Variants in TOR2A observed in about 807,000 individuals in gnomAD.
TOR2A encodes prosalusin.
Under a neutral mutation model 28.6 loss-of-function variants are expected in TOR2A, and 24 were observed. The observed-to-expected ratio is 0.84, with a 90% CI of 0.61 to 1.18. The LOEUF is 1.18. TOR2A is among the 50% of genes most tolerant of loss of function. The probability of loss-of-function intolerance (pLI) is 0.00; values close to 1 mark genes in which losing one functional copy is unlikely to be tolerated. For synonymous variants in TOR2A, 203 were observed against 203.1 expected (o/e 1.00, Z 0.00); for missense variants, 426 against 448.1 (o/e 0.95, Z 0.45).
chr9:127,735,224 C>T lies in TOR2A; in HGVS notation c.47G>A (p.Gly16Glu). The change falls in exon 1 of 5, where the codon GGG (glycine) becomes GAG (glutamate). Residue 16 changes from glycine (G) to glutamate (E), a missense_variant. Transcript: ENST00000373284. Reference protein sequence around the residue: ...RGCRPWGSLLGLLGLVSAAAA... With the variant: ...RGCRPWGSLLELLGLVSAAAA... ...CGCGGCCGAGACCAGCCCGAGCAGC[C>T]CGAGGAGCGAGCCCCAGGGCCGGCA... The T allele has an allele frequency of 6.8e-7, 1 of 1,463,886 alleles. No individual in the cohort carries two copies. Among genetic ancestry groups the T allele is most frequent in the Non-Finnish European group, 9.0e-7 (1 of 1,115,750 alleles). 90.7% of individuals were successfully genotyped at this position (1,463,886 alleles called of 1,614,324 possible). A position where few individuals can be genotyped will look rare whatever the true frequency, so the allele number is the denominator to read the frequency against.
In TOR2A at chr9:127,735,256, C is replaced by G; in HGVS notation, c.15G>C (p.Thr5=). The change falls in exon 1 of 5, where the codon ACG becomes ACC. Residue 5 remains threonine, a synonymous_variant. Coordinates refer to ENST00000373284, the MANE Select transcript of TOR2A (RefSeq NM_001085347.3). ...GCGAGCCCCAGGGCCGGCAGCCGCG[C>G]GTCGCAGCCGCCATCCGGGTGAGGC... MAAA[T]RGCRPWGSLL... is the part of the protein sequence containing the mutation. The G allele has an allele frequency of 7.1e-7, 1 of 1,406,376 alleles. No individual in the cohort carries two copies. Among genetic ancestry groups the G allele is most frequent in the South Asian group, 1.5e-5 (1 of 65,358 alleles). The allele number at this position is 1,406,376 out of a possible 1,614,324, so 87.1% of individuals were successfully genotyped here.
At chr9:127,732,326 G>T in intron 4 of TOR2A, 48 bp from the exon 5 acceptor site, 1 of 1,524,112 alleles carries the variant, frequency 6.6e-7, no homozygotes, top group Non-Finnish European at 8.8e-7. Context: ...CACAAGAGGG[G>T]AGAAGCCGGC....
chr9:127,733,324 G>A (rs756337474), intron 3 of TOR2A, 61 bp downstream of exon 3: 1 of 1,613,470 alleles, frequency 6.2e-7, no homozygotes, highest in South Asian at 1.1e-5. Context: ...GGCTAAGGCT[G>A]TAGAGCTGAA....
chr9:127,733,356 A>T (rs745514694), intron 3 of TOR2A, 29 bp downstream of exon 3: 1 of 1,613,618 alleles, frequency 6.2e-7, no homozygotes, highest in Non-Finnish European at 8.5e-7. Flanking sequence ...TGGCCCCCCC[A>T]CTGTGCCCAC....
intron 4 of TOR2A, 98 bp from the exon 5 acceptor site, chr9:127,732,376 G>C: frequency 1.3e-6 from 2 of 1,482,122 alleles, no homozygotes; most frequent in South Asian, 2.8e-5. Flanking sequence ...GCTGGCCTCA[G>C]TTCCCTCAGC....
chr9:127,734,111 A>C, intron 2 of TOR2A, 188 bp downstream of exon 2: 1 of 689,414 alleles, frequency 1.5e-6, no homozygotes, highest in South Asian at 2.8e-5. Flanking sequence ...TTACTGCCCC[A>C]AGGAATCAAA....
intron 2 of TOR2A, chr9:127,733,938 A>G (rs921906285): frequency 1.5e-5 from 6 of 396,968 alleles, no homozygotes; most frequent in South Asian, 1.1e-4. Flanking sequence ...GTAAGAGCCA[A>G]TATTTCCTGA....
chr9:127,734,978 A>T (rs1159494270), intron 1 of TOR2A, 142 bp downstream of exon 1: 34 of 1,240,910 alleles, frequency 2.7e-5, no homozygotes, highest in Admixed American at 4.2e-5. Flanking sequence ...CACCCTCCCA[A>T]GTCTGCGGGC....
chr9:127,735,120 C>G lies in TOR2A; in HGVS notation c.151G>C (p.Gly51Arg). ...CECDFRPDLPGLECDLAQHLA... is the reference protein window; with the variant it reads ...CECDFRPDLPRLECDLAQHLA... Reference sequence around the variant, plus strand: ...CGCTCCGGGCTCCCTGGCGCCTCACCCGGCAAGTCGGGCCGGAAGTCGCAT... The same window carrying G: ...CGCTCCGGGCTCCCTGGCGCCTCACGCGGCAAGTCGGGCCGGAAGTCGCAT... Residue 51 changes from glycine to arginine, a missense_variant and splice_region_variant, in exon 1 of 5, where the codon GGT becomes CGT. Transcript: ENST00000373284. The G allele has an allele frequency of 1.4e-6, 2 of 1,473,676 alleles. No homozygotes were observed. Among genetic ancestry groups the G allele is most frequent in the Non-Finnish European group, 1.8e-6 (2 of 1,118,528 alleles). The allele number at this position is 1,473,676 out of a possible 1,614,324, so 91.3% of individuals were successfully genotyped here.
chr9:127,732,849 C>T, intron 3 of TOR2A, 158 bp from the exon 4 acceptor site: 1 of 1,436,146 alleles, frequency 7.0e-7, no homozygotes, highest in Non-Finnish European at 9.1e-7. Flanking sequence ...TCCATGGTGT[C>T]CACATCCATG....
In TOR2A at chr9:127,734,287, C is replaced by T. The variant is rs371993319; in HGVS notation, c.417+12G>A. On this transcript the variant is annotated intron_variant, in intron 2 of 4. Transcript: ENST00000373284. ...ATGGTGAGAACAGTGGTCAAGGACGCATCCAGCCTACCTTGTAGCGCTCGA... is the reference window on the plus strand; with the variant it reads ...ATGGTGAGAACAGTGGTCAAGGACGTATCCAGCCTACCTTGTAGCGCTCGA... 6.4e-7 allele frequency: 1 copy of T among 1,566,536 alleles called. No individual in the cohort carries two copies. The highest frequency in any genetic ancestry group is 8.7e-7 in the Non-Finnish European group (1 of 1,153,762).
chr9:127,732,008 G>C lies in TOR2A; in HGVS notation c.*26C>G, dbSNP rs779223274. On this transcript the variant is annotated 3_prime_UTR_variant, in exon 5 of 5. Coordinates refer to ENST00000373284, the MANE Select transcript of TOR2A (RefSeq NM_001085347.3). ...CTTTCCTGCATGGCCTGGCCATCAG[G>C]GGGGCCGAGGACACCACTCAGAGAG... 6.9e-6 allele frequency: 11 copies of C among 1,600,926 alleles called. No individual in the cohort carries two copies. In the African/African-American group the frequency reaches 1.3e-4, roughly 19 times the overall value.
At position 127,733,512 on chromosome 9, in the gene TOR2A, A is replaced by C; in HGVS notation, c.466T>G (p.Ser156Ala). Residue 156 changes from serine to alanine, a missense_variant, in exon 3 of 5, where the codon TCC becomes GCC. Ser to Ala is a moderately conservative substitution (Grantham distance 99, BLOSUM62 1). Coordinates refer to ENST00000373284, the MANE Select transcript of TOR2A (RefSeq NM_001085347.3). Reference protein sequence around the residue: ...VQGNLTACGRSLFLFDEMDKM... With the variant: ...VQGNLTACGRALFLFDEMDKM... Reference sequence around the variant, plus strand: ...TCCATCTCATCGAAGAGGAAGAGGGAGCGGCCACAGGCAGTGAGGTTCCCT... The same window carrying C: ...TCCATCTCATCGAAGAGGAAGAGGGCGCGGCCACAGGCAGTGAGGTTCCCT... The C allele has an allele frequency of 4.3e-6, 7 of 1,613,850 alleles. No homozygotes were observed. The highest frequency in any genetic ancestry group is 5.9e-6 in the Non-Finnish European group (7 of 1,180,008).
chr9:127,735,036 G>A (rs980833411), intron 1 of TOR2A, 84 bp downstream of exon 1: 5 of 1,353,666 alleles, frequency 3.7e-6, no homozygotes, highest in African/African-American at 3.1e-5. Flanking sequence ...TCTGGCCGGC[G>A]CCAGCCGGGC....
Position 127,731,600 on chromosome 9 carries a change from C to A in TOR2A, c.*434G>T. Reference sequence around the variant, plus strand: ...AACATCTAAAACCAGGCCCAAGTGGCAGCTTGAGTCCCTCCATTTCTGGAA... The same window carrying A: ...AACATCTAAAACCAGGCCCAAGTGGAAGCTTGAGTCCCTCCATTTCTGGAA... On this transcript the variant is annotated 3_prime_UTR_variant, in exon 5 of 5. Transcript: ENST00000373284. The A allele has an allele frequency of 8.0e-7, 1 of 1,247,728 alleles. No individual in the cohort carries two copies. Among genetic ancestry groups the A allele is most frequent in the Non-Finnish European group, 1.1e-6 (1 of 938,706 alleles). The allele number at this position is 1,247,728 out of a possible 1,614,324, so 77.3% of individuals were successfully genotyped here.
chr9:127,733,610 C>T (rs1252525190), intron 2 of TOR2A, 50 bp from the exon 3 acceptor site: 1 of 1,514,254 alleles, frequency 6.6e-7, no homozygotes. Context: ...ACTCCCCCAA[C>T]ACCAGACCTC....
Position 127,731,676 on chromosome 9 carries a change from G to C in TOR2A, c.*358C>G. The C allele has an allele frequency of 1.2e-6, 1 of 815,470 alleles. No individual in the cohort carries two copies. The highest frequency in any genetic ancestry group is 2.2e-5 in the South Asian group (1 of 45,186). 50.5% of individuals were successfully genotyped at this position (815,470 alleles called of 1,614,324 possible). On this transcript the variant is annotated 3_prime_UTR_variant, in exon 5 of 5. Transcript: ENST00000373284. Reference sequence around the variant, plus strand: ...TATGGACACAGGGTGTGGGGTGGAGGGGAGGAGGTATGGTGCCCGACCAAG... The same window carrying C: ...TATGGACACAGGGTGTGGGGTGGAGCGGAGGAGGTATGGTGCCCGACCAAG...
intron 1 of TOR2A, 153 bp from the exon 2 acceptor site, chr9:127,734,717 A>C: frequency 7.4e-6 from 7 of 943,438 alleles, no homozygotes; most frequent in Non-Finnish European, 1.0e-5. Flanking sequence ...TCTGTGGCGG[A>C]AAAGAGCCAC....
intron 4 of TOR2A, 127 bp from the exon 5 acceptor site, chr9:127,732,405 C>T (rs1844477239): frequency 1.4e-6 from 2 of 1,455,076 alleles, no homozygotes; most frequent in Non-Finnish European, 9.0e-7. Flanking sequence ...GGGTGTAGGA[C>T]TCAGGGGCTG....
Sources: gnomAD v4.1 joint callset for allele counts on GRCh38, gnomAD v4.1.1 for gene constraint, MANE v1.5 for transcripts, NCBI Gene and HGNC (gene_info 2026-07-23, HGNC 2026-07-21) for gene names.